The following CNST variants were observed in gnomAD, a reference collection of about 807,000 sequenced individuals.
CNST encodes the protein consortin, connexin sorting protein, also known as consortin.
Under a neutral mutation model 72.4 loss-of-function variants are expected in CNST, and 39 were observed. That is an observed-to-expected ratio of 0.54 (90% confidence interval 0.42 to 0.70). The LOEUF is 0.70. CNST is among the 30% of genes least tolerant of loss of function. CNST has a pLI of 0.00. For missense variants in CNST, 871 were observed against 868.5 expected, an observed-to-expected ratio of 1.00 and a Z score of -0.04; for synonymous variants, 332 against 320.1, an observed-to-expected ratio of 1.04 and a Z score of -0.40.
intron 2 of CNST, among the ~76,000 whole-genome samples, chr1:246,614,695 C>G (rs1187836879): frequency 6.6e-6 from 1 of 152,138 alleles, no homozygotes; most frequent in East Asian, 1.9e-4. Context: ...TGGTCTTGAA[C>G]TCTTGACCTC....
At chr1:246,627,917 TA>T (rs1174826707) in intron 3 of CNST, among the ~76,000 whole-genome samples, 1 of 151,360 alleles carries the variant, frequency 6.6e-6, no homozygotes. Flanking sequence ...ATCCTATATA[TA>T]TTTATATATA....
chr1:246,618,933 T>C (rs1663872245), intron 2 of CNST, among the ~76,000 whole-genome samples: 1 of 152,182 alleles, frequency 6.6e-6, no homozygotes, highest in African/African-American at 2.4e-5. Flanking sequence ...TGAAAGTCCA[T>C]CCTTCTTTGG....
chr1:246,625,351 T>C (rs1229507146), intron 3 of CNST, among the ~76,000 whole-genome samples: 2 of 152,084 alleles, frequency 1.3e-5, no homozygotes, highest in African/African-American at 4.8e-5. Context: ...CACTGACATT[T>C]ATGAACAGTC....
chr1:246,658,124 G>T (rs1666867366), intron 9 of CNST, among the ~76,000 whole-genome samples: 1 of 152,084 alleles, frequency 6.6e-6, no homozygotes, highest in Admixed American at 6.5e-5. Flanking sequence ...AAAAATTTTA[G>T]AACAGCCAGA....
chr1:246,652,733 A>G (rs13374826), intron 9 of CNST, among the ~76,000 whole-genome samples: 49,126 of 151,206 alleles, frequency 0.32, 8,670 homozygotes, highest in East Asian at 0.55. Context: ...GGCCGGGCAC[A>G]GTGGCTCACG....
intron 10 of CNST, among the ~76,000 whole-genome samples, chr1:246,662,847 A>G (rs1299928018): frequency 2.6e-5 from 4 of 152,192 alleles, no homozygotes; most frequent in Admixed American, 6.5e-5. Flanking sequence ...GACCAGCTAC[A>G]TGTCAAGTGC....
intron 1 of CNST, among the ~76,000 whole-genome samples, chr1:246,590,424 C>G (rs1038986512): frequency 2.6e-5 from 4 of 152,134 alleles, no homozygotes; most frequent in Admixed American, 6.5e-5. Flanking sequence ...ACTTCTGTTT[C>G]TTTCCAACTT....
chr1:246,586,113 G>GTC (rs1661176859), intron 1 of CNST, among the ~76,000 whole-genome samples: 1 of 68,454 alleles, frequency 1.5e-5, no homozygotes, highest in Admixed American at 1.6e-4. Context: ...ATATATATAT[G>GTC]TGTGTGTGTG....
intron 9 of CNST, 58 bp downstream of exon 9, chr1:246,648,095 G>A: frequency 6.6e-7 from 1 of 1,516,394 alleles, no homozygotes; most frequent in Non-Finnish European, 8.8e-7. Context: ...ACATATATAT[G>A]TATTAAATAT....
rs114590954 is a variant in CNST, at chr1:246,579,888, A to G, written c.-51-11624A>G. On this transcript the variant is annotated intron_variant, in intron 1 of 10. Transcript: ENST00000366513. The stretch of plus-strand genomic sequence containing the variant: ...TTATGGATGACTTTAGCAGTTTCCC[A>G]TAAATTGTCTCATTTTATTCTTACA... Among the ~76,000 whole-genome samples, 530 of 152,344 alleles carry G rather than the reference A, an allele frequency of 3.5e-3. 4 individuals are homozygous for G. Among genetic ancestry groups the G allele is most frequent in the Non-Finnish European group, 5.5e-3 (375 of 68,032 alleles).
intron 1 of CNST, 121 bp downstream of exon 1, chr1:246,566,784 C>T (rs902752367): frequency 5.3e-5 from 21 of 398,404 alleles, no homozygotes; most frequent in African/African-American, 8.2e-5. Context: ...AGCCTCTGCC[C>T]TCCGGGTGAG....
chr1:246,636,854 A>T (rs565833066), intron 6 of CNST, among the ~76,000 whole-genome samples: 177 of 152,332 alleles, frequency 1.2e-3, no homozygotes, highest in African/African-American at 4.1e-3. Context: ...TGACATGAGT[A>T]TGGTGAGTGA....
At chr1:246,619,492 C>T (rs997140758) in intron 2 of CNST, among the ~76,000 whole-genome samples, 3 of 152,146 alleles carry the variant, frequency 2.0e-5, no homozygotes, top group Admixed American at 1.3e-4. Context: ...CCCTGTGCTG[C>T]CAGCGTTGAT....
chr1:246,626,906 A>C (rs972238316), intron 3 of CNST, among the ~76,000 whole-genome samples: 1 of 152,130 alleles, frequency 6.6e-6, no homozygotes, highest in Non-Finnish European at 1.5e-5. Context: ...TTAAATGCCA[A>C]CTTCGTCCCT....
At chr1:246,664,158 C>T (rs1024618073) in intron 10 of CNST, among the ~76,000 whole-genome samples, 5 of 152,194 alleles carry the variant, frequency 3.3e-5, no homozygotes, top group African/African-American at 4.8e-5. Flanking sequence ...CTATTAAATA[C>T]TTACATCATA....
intron 2 of CNST, among the ~76,000 whole-genome samples, chr1:246,616,804 T>G (rs767866155): frequency 7.9e-5 from 12 of 151,748 alleles, no homozygotes; most frequent in Non-Finnish European, 1.5e-4. Flanking sequence ...CCGCCCACCT[T>G]GGCCTCCCAA....
At position 246,582,419 on chromosome 1, in the gene CNST, G is replaced by GCTCCCTGCAACCTCCGC. The variant is rs564099459; in HGVS notation, c.-51-9087_-51-9071dup. On this transcript the variant is annotated intron_variant, in intron 1 of 10. Coordinates refer to ENST00000366513, the MANE Select transcript of CNST (RefSeq NM_152609.3). ...CCTGGAGTGCAGTGGTGTGATCCCG[G>GCTCCCTGCAACCTCCGC]CTCCCTGCAACCTCCGCCTCCCAGG... Among the ~76,000 whole-genome samples, 829 of 151,436 alleles carry GCTCCCTGCAACCTCCGC rather than the reference G, an allele frequency of 5.5e-3. 5 individuals carry two copies. Among genetic ancestry groups the GCTCCCTGCAACCTCCGC allele is most frequent in the African/African-American group, 0.02 (803 of 41,160 alleles).
intron 9 of CNST, among the ~76,000 whole-genome samples, chr1:246,648,511 C>G (rs1315180815): frequency 1.3e-5 from 2 of 151,576 alleles, no homozygotes; most frequent in African/African-American, 2.4e-5. Flanking sequence ...ATAAGAGGTA[C>G]TAGATTAATT....
intron 2 of CNST, among the ~76,000 whole-genome samples, chr1:246,610,070 C>T (rs1663202655): frequency 6.6e-6 from 1 of 152,160 alleles, no homozygotes; most frequent in Non-Finnish European, 1.5e-5. Flanking sequence ...ATCATGAGGT[C>T]AGGAGTTCAA....
Sources: gnomAD v4.1 joint callset for allele counts (sites outside exome capture counted in the v4.1 genomes callset) on GRCh38, gnomAD v4.1.1 for gene constraint, MANE v1.5 for transcripts, NCBI Gene and HGNC (gene_info 2026-07-23, HGNC 2026-07-21) for gene names.